The following TACC2 variants were observed in gnomAD, a reference collection of about 807,000 sequenced individuals.
The protein encoded by TACC2 is transforming acidic coiled-coil-containing protein 2.
A neutral mutation model predicts 227.3 loss-of-function variants in TACC2; 137 were observed. That is an observed-to-expected ratio of 0.60 (90% CI 0.52 to 0.69). The LOEUF is 0.69. Among genes scored for constraint, TACC2 ranks in the 30% least tolerant of loss-of-function variants. The probability of loss-of-function intolerance (pLI) is 0.00; values close to 1 mark genes in which losing one functional copy is unlikely to be tolerated. For missense variants in TACC2, 3,470 were observed against 3,694.4 expected, an observed-to-expected ratio of 0.94 and a Z score of 1.57; for synonymous variants, 1,523 against 1,487.5, an observed-to-expected ratio of 1.02 and a Z score of -0.55.
intron 19 of TACC2, among the ~76,000 whole-genome samples, chr10:122,242,594 A>G (rs766214836): frequency 1.3e-5 from 2 of 152,158 alleles, no homozygotes; most frequent in Non-Finnish European, 2.9e-5. Flanking sequence ...TTGGCTCACA[A>G]TAAAAGAAGG....
At chr10:122,225,284 C>G (rs1290054991) in intron 12 of TACC2, among the ~76,000 whole-genome samples, 1 of 152,222 alleles carries the variant, frequency 6.6e-6, no homozygotes, top group African/African-American at 2.4e-5. Flanking sequence ...GTCAGCGATG[C>G]CCTCGGAGAC....
intron 2 of TACC2, among the ~76,000 whole-genome samples, chr10:122,035,654 C>T (rs546368207): frequency 1.1e-4 from 16 of 152,152 alleles, no homozygotes; most frequent in South Asian, 2.1e-4. Flanking sequence ...TTAAGTGGAC[C>T]GTTCAGTGGA....
intron 2 of TACC2, among the ~76,000 whole-genome samples, chr10:122,042,047 G>A (rs879349302): frequency 5.3e-5 from 8 of 152,124 alleles, no homozygotes; most frequent in African/African-American, 1.2e-4. Context: ...CCAGGTTCAC[G>A]CCATTCTTCT....
At chr10:122,201,378 A>G (rs1200128349) in intron 8 of TACC2, among the ~76,000 whole-genome samples, 1 of 150,882 alleles carries the variant, frequency 6.6e-6, no homozygotes, top group Non-Finnish European at 1.5e-5. Context: ...CTGCATTCAC[A>G]TGGGGAGGAC....
chr10:122,231,385 G>T (rs570431769), intron 16 of TACC2, among the ~76,000 whole-genome samples: 10 of 152,158 alleles, frequency 6.6e-5, no homozygotes, highest in African/African-American at 2.4e-4. Flanking sequence ...GAACCTCTTC[G>T]AGCCTTAGTA....
intron 4 of TACC2, 57 bp from the exon 5 acceptor site, chr10:122,088,421 G>C (rs2080328138): frequency 6.9e-7 from 1 of 1,455,028 alleles, no homozygotes. Context: ...TAGGACATGA[G>C]GAGAAATGCC....
chr10:122,094,758 C>T (rs1273296552), intron 5 of TACC2, among the ~76,000 whole-genome samples: 1 of 152,192 alleles, frequency 6.6e-6, no homozygotes, highest in Admixed American at 6.5e-5. Flanking sequence ...GTTCATGCTG[C>T]ACTTGAACCC....
intron 1 of TACC2, among the ~76,000 whole-genome samples, chr10:122,002,765 C>T (rs2135119039): frequency 6.6e-6 from 1 of 152,312 alleles, no homozygotes; most frequent in East Asian, 1.9e-4. Flanking sequence ...GCATAGACAT[C>T]TGCAAATCAG....
chr10:122,224,091 C>G lies in TACC2; in HGVS notation c.7547-635C>G, dbSNP rs181523640. ...TTGAGTGTATGGGATTTTCACCAATCAATTTGAAACAGGTCATTTCTCCAC... is the reference window on the plus strand; with the variant it reads ...TTGAGTGTATGGGATTTTCACCAATGAATTTGAAACAGGTCATTTCTCCAC... On this transcript the variant is annotated intron_variant, in intron 11 of 22. Coordinates refer to ENST00000369005, the MANE Select transcript of TACC2 (RefSeq NM_206862.4). Among the ~76,000 whole-genome samples the G allele has an allele frequency of 2.6e-5, 4 of 152,254 alleles. No homozygotes were observed. The East Asian group carries it at 7.7e-4, about 29-fold the overall frequency.
chr10:122,084,263 G>T lies in TACC2; in HGVS notation c.1763G>T (p.Gly588Val), dbSNP rs141860738. 715 of 1,613,948 alleles carry T rather than the reference G, an allele frequency of 4.4e-4. 1 individual carries two copies. The highest frequency in any genetic ancestry group is 1.1e-3 in the Admixed American group (66 of 60,002). ...GAGGAAGCCCCAGAGCCACCTGATG[G>T]TGGAGACCCAGGGAACCTGCAAGGA... ...GKEEAPEPPD[G>V]GDPGNLQGED... is the part of the protein sequence containing the mutation. The change falls in exon 4 of 23, where the codon GGT becomes GTT. Residue 588 changes from glycine to valine, a missense_variant. This residue lies in a region of TACC2 where 1,924 missense variants were observed against 1,978.3 expected (regional missense o/e 0.97). Transcript: ENST00000369005.
chr10:122,121,399 C>T (rs1338828268), intron 5 of TACC2, among the ~76,000 whole-genome samples: 1 of 152,102 alleles, frequency 6.6e-6, no homozygotes, highest in Non-Finnish European at 1.5e-5. Context: ...ACTGAGGCTC[C>T]GAGAGGATCT....
At chr10:122,092,510 A>G (rs1437416416) in intron 5 of TACC2, among the ~76,000 whole-genome samples, 1 of 152,256 alleles carries the variant, frequency 6.6e-6, no homozygotes, top group Non-Finnish European at 1.5e-5. Flanking sequence ...CACATATAAG[A>G]TTCAATATCT....
At chr10:122,093,998 G>C (rs1004242095) in intron 5 of TACC2, among the ~76,000 whole-genome samples, 4 of 152,278 alleles carry the variant, frequency 2.6e-5, no homozygotes, top group Admixed American at 6.5e-5. Context: ...GCCTGTTTCT[G>C]TCTGTCAAGC....
chr10:122,179,300 T>TTATC (rs1272743169), intron 7 of TACC2, among the ~76,000 whole-genome samples: 11 of 152,358 alleles, frequency 7.2e-5, no homozygotes, highest in African/African-American at 2.6e-4. Context: ...CTGAGATTAC[T>TTATC]TATCTGCCTT....
At chr10:122,081,419 C>T (rs1207731550) in intron 3 of TACC2, among the ~76,000 whole-genome samples, 1 of 150,800 alleles carries the variant, frequency 6.6e-6, no homozygotes, top group African/African-American at 2.4e-5. Flanking sequence ...TCCCAGCTAC[C>T]CGGGAGGCTG....
intron 2 of TACC2, chr10:122,022,650 A>G (rs1957468380): frequency 6.6e-6 from 1 of 152,280 alleles, no homozygotes; most frequent in South Asian, 2.1e-4. Context: ...ATCAACTTAC[A>G]TGGATTTAGC....
rs969735887 is a variant in TACC2, at chr10:122,083,617, C to T, written c.1117C>T (p.Gln373Ter). The change falls in exon 4 of 23, where the codon CAG becomes TAG. Residue 373 changes from glutamine (Q) to a stop codon, truncating the protein, a stop_gained. Transcript: ENST00000369005. LOFTEE classifies it high-confidence loss of function. The stretch of plus-strand genomic sequence containing the variant: ...GGAGGCTCTGGACACCATTGATGTT[C>T]AGGGTCACCCACAGACAGGGATGCG... ...GKEALDTIDV[Q>*]GHPQTGMRGT... The T allele has an allele frequency of 6.2e-7, 1 of 1,611,648 alleles. No homozygotes were observed. Among genetic ancestry groups the T allele is most frequent in the African/African-American group, 1.3e-5 (1 of 74,932 alleles).
chr10:122,106,583 C>T (rs2082831684), intron 5 of TACC2, among the ~76,000 whole-genome samples: 1 of 152,214 alleles, frequency 6.6e-6, no homozygotes, highest in Non-Finnish European at 1.5e-5. Flanking sequence ...ACAGTTACTT[C>T]CTAGGCACTG....
At chr10:122,228,039 G>A (rs567159226) in intron 14 of TACC2, 31 bp downstream of exon 14, 40 of 1,602,126 alleles carry the variant, frequency 2.5e-5, no homozygotes, top group Non-Finnish European at 3.4e-5. Context: ...CCAGATCACA[G>A]GGGATGAGGT....
Sources: allele counts gnomAD v4.1 joint callset (sites outside exome capture counted in the v4.1 genomes callset), GRCh38; gene constraint gnomAD v4.1.1; regional missense constraint gnomAD v4.1.1; transcripts MANE v1.5; gene names NCBI Gene and HGNC (gene_info 2026-07-23, HGNC 2026-07-21).